Variants in CDHR3 observed in about 807,000 individuals in gnomAD.
CDHR3 encodes the protein cadherin related family member 3, also known as cadherin-related family member 3.
In CDHR3, 79 loss-of-function variants were observed where a neutral mutation model predicts 86.6. That is an observed-to-expected ratio of 0.91 (90% CI 0.76 to 1.10). The LOEUF (loss-of-function observed/expected upper bound fraction) is 1.10, where lower values mean the gene tolerates loss of function less well. Among genes scored for constraint, CDHR3 ranks in the 50% least tolerant of loss-of-function variants. The probability of loss-of-function intolerance (pLI) is 0.00; values close to 1 mark genes in which losing one functional copy is unlikely to be tolerated. For synonymous variants in CDHR3, 421 were observed against 402.4 expected (o/e 1.05, Z -0.55); for missense variants, 1,081 against 1,077.6 (o/e 1.00, Z -0.04).
chr7:105,968,813 G>A (rs957623037), intron 1 of CDHR3, among the ~76,000 whole-genome samples: 9 of 152,212 alleles, frequency 5.9e-5, no homozygotes, highest in Non-Finnish European at 1.2e-4. Context: ...CTTTGGCTAG[G>A]TGCGGTGGCT....
intron 2 of CDHR3, among the ~76,000 whole-genome samples, chr7:105,980,624 T>A (rs6973811): frequency 0.077 from 920 of 11,962 alleles, 30 homozygotes; most frequent in Middle Eastern, 0.14. Flanking sequence ...TTTTTTTTAA[T>A]TTTTTTTTTT....
At chr7:105,979,678 C>G (rs1829350182) in intron 2 of CDHR3, among the ~76,000 whole-genome samples, 1 of 152,148 alleles carries the variant, frequency 6.6e-6, no homozygotes, top group Admixed American at 6.5e-5. Flanking sequence ...AGGTGATTTT[C>G]CCAAGGCCAC....
intron 2 of CDHR3, among the ~76,000 whole-genome samples, chr7:105,977,455 A>G (rs890544137): frequency 3.3e-5 from 5 of 152,206 alleles, no homozygotes; most frequent in Non-Finnish European, 7.3e-5. Flanking sequence ...ACCTCAACTC[A>G]TCTAGGCTCA....
chr7:105,991,495 G>A (rs982208791), intron 4 of CDHR3, among the ~76,000 whole-genome samples: 1 of 152,158 alleles, frequency 6.6e-6, no homozygotes, highest in African/African-American at 2.4e-5. Flanking sequence ...TTTATCTGCT[G>A]CTGTTTTTCT....
chr7:106,029,348 C>T (rs756380260), intron 17 of CDHR3, among the ~76,000 whole-genome samples: 3 of 152,146 alleles, frequency 2.0e-5, no homozygotes, highest in South Asian at 2.1e-4. Flanking sequence ...CTCCCTGGTC[C>T]GGGGTTGGCT....
intron 16 of CDHR3, 182 bp from the exon 17 acceptor site, chr7:106,028,369 G>A (rs771047025): frequency 3.3e-5 from 23 of 694,614 alleles, no homozygotes; most frequent in African/African-American, 1.2e-4. Context: ...ATATGTGTAC[G>A]TATTTTTTTC....
At chr7:105,989,237 T>C (rs76617483) in intron 4 of CDHR3, among the ~76,000 whole-genome samples, 17,785 of 139,996 alleles carry the variant, frequency 0.13, 1,159 homozygotes, top group African/African-American at 0.17. Context: ...TCTTCTCCAC[T>C]TTCTGAAGGA....
intron 5 of CDHR3, among the ~76,000 whole-genome samples, 157 bp downstream of exon 5, chr7:105,995,002 G>A (rs532595219): frequency 6.6e-6 from 1 of 152,216 alleles, no homozygotes; most frequent in Admixed American, 6.5e-5. Flanking sequence ...ACCCCAGAGA[G>A]GGATGGGGAA....
At chr7:105,969,412 A>G (rs1282299646) in intron 1 of CDHR3, among the ~76,000 whole-genome samples, 1 of 151,746 alleles carries the variant, frequency 6.6e-6, no homozygotes, top group East Asian at 1.9e-4. Flanking sequence ...AAAAAAAAAA[A>G]AAAAAAAAGT....
At position 105,994,749 on chromosome 7, in the gene CDHR3, A is replaced by G. The variant is rs1563258619; in HGVS notation, c.514-2A>G. On this transcript the variant is annotated splice_acceptor_variant, in intron 4 of 18. Transcript: ENST00000317716. LOFTEE classifies it high-confidence loss of function. ...CATCAATTTTTTTCCCTTGTTTTTT[A>G]GTATTTCCTGATTTCTCCCCCAAAG... The G allele has an allele frequency of 6.2e-7, 1 of 1,605,744 alleles. No homozygotes were observed. The highest frequency in any genetic ancestry group is 1.7e-5 in the Admixed American group (1 of 59,376).
chr7:106,022,362 G>A lies in CDHR3; in HGVS notation c.1990G>A (p.Ala664Thr), dbSNP rs1339267949. The change falls in exon 14 of 19, where the codon GCG becomes ACG. Residue 664 changes from alanine (A) to threonine (T), a missense_variant. Ala to Thr is a moderately conservative substitution (Grantham distance 58, BLOSUM62 0). Transcript: ENST00000317716. ...CAACTTGATGTCTGACAGGAAGAAA[G>A]CGGAGGCTCTTGTTGAGACAGGAAC... ...DDNLMSDRKK[A>T]EALVETGTVT... 3 of 1,614,048 alleles carry A rather than the reference G, an allele frequency of 1.9e-6. No individual in the cohort carries two copies. Among genetic ancestry groups the A allele is most frequent in the Non-Finnish European group, 1.7e-6 (2 of 1,179,906 alleles).
intron 1 of CDHR3, among the ~76,000 whole-genome samples, chr7:105,965,430 C>T (rs537260115): frequency 3.9e-5 from 6 of 152,048 alleles, no homozygotes; most frequent in Admixed American, 6.6e-5. Flanking sequence ...GCTGAGATTG[C>T]GCCATTGCAC....
At position 106,035,137 on chromosome 7, in the gene CDHR3, T is replaced by A. The variant is rs2115948353; in HGVS notation, c.*2440T>A. Among the ~76,000 whole-genome samples the A allele has an allele frequency of 6.6e-6, 1 of 152,152 alleles. No homozygotes were observed. The highest frequency in any genetic ancestry group is 1.5e-5 in the Non-Finnish European group (1 of 67,988). On this transcript the variant is annotated 3_prime_UTR_variant, in exon 19 of 19. Transcript: ENST00000317716. ...GAGAGAGTGGTGAGCAGCTGGTCTTTCTTCTCCAGTGATGACAGGGCAAGA... is the reference window on the plus strand; with the variant it reads ...GAGAGAGTGGTGAGCAGCTGGTCTTACTTCTCCAGTGATGACAGGGCAAGA...
intron 8 of CDHR3, among the ~76,000 whole-genome samples, chr7:106,010,105 G>C (rs1834567297): frequency 1.3e-5 from 2 of 152,152 alleles, no homozygotes; most frequent in African/African-American, 4.8e-5. Flanking sequence ...GTCTGGCTTC[G>C]GGACCTTGGA....
In CDHR3 at chr7:106,018,048, C is replaced by T. The variant is rs764350045; in HGVS notation, c.1629C>T (p.Asn543=). Residue 543 remains asparagine (N), a synonymous_variant, in exon 12 of 19, where the codon AAC becomes AAT. Coordinates refer to ENST00000317716, the MANE Select transcript of CDHR3 (RefSeq NM_152750.5). ...PIYILRIQAT[N]NEDTSSVTVT... ...ATATTCTCAGAATCCAGGCCACCAACAACGAAGACACAAGCTCTGTCACTG... is the reference window on the plus strand; with the variant it reads ...ATATTCTCAGAATCCAGGCCACCAATAACGAAGACACAAGCTCTGTCACTG... 4.3e-6 allele frequency: 7 copies of T among 1,613,690 alleles called. No homozygotes were observed. Among genetic ancestry groups the T allele is most frequent in the Non-Finnish European group, 5.9e-6 (7 of 1,179,798 alleles).
At chr7:105,965,570 C>CG (rs1826778437) in intron 1 of CDHR3, among the ~76,000 whole-genome samples, 1 of 110,826 alleles carries the variant, frequency 9.0e-6, no homozygotes, top group African/African-American at 2.9e-5. Flanking sequence ...AAGCCCCACC[C>CG]CCCCCCATGG....
chr7:106,015,297 C>G, intron 10 of CDHR3, 84 bp downstream of exon 10: 1 of 1,203,338 alleles, frequency 8.3e-7, no homozygotes, highest in East Asian at 2.5e-5. Context: ...AGGTATTGTG[C>G]TAGGTCCCCC....
rs528817538 is a variant in CDHR3 at position 106,034,657 on chromosome 7, A to C, written c.*1960A>C. ...AGTGAAGTGGCTGATTGCCCATTTAAGGCATTGCAAATCTGTGGGGCCCGG... is the reference window on the plus strand; with the variant it reads ...AGTGAAGTGGCTGATTGCCCATTTACGGCATTGCAAATCTGTGGGGCCCGG... On this transcript the variant is annotated 3_prime_UTR_variant, in exon 19 of 19. Transcript: ENST00000317716. Among the ~76,000 whole-genome samples the C allele has an allele frequency of 6.6e-6, 1 of 152,248 alleles. No individual in the cohort carries two copies. Among genetic ancestry groups the C allele is most frequent in the Non-Finnish European group, 1.5e-5 (1 of 68,046 alleles).
intron 2 of CDHR3, among the ~76,000 whole-genome samples, chr7:105,976,810 A>G (rs986854497): frequency 6.6e-6 from 1 of 152,114 alleles, no homozygotes. Flanking sequence ...TGGCTGAATT[A>G]TATTATGTTC....
Sources: gnomAD v4.1 joint callset for allele counts (sites outside exome capture counted in the v4.1 genomes callset) on GRCh38, gnomAD v4.1.1 for gene constraint, MANE v1.5 for transcripts, NCBI Gene and HGNC (gene_info 2026-07-23, HGNC 2026-07-21) for gene names.